The following OLAH variants were observed in gnomAD, a reference collection of about 807,000 sequenced individuals.
OLAH encodes oleoyl-ACP hydrolase.
Under a neutral mutation model 27.8 loss-of-function variants are expected in OLAH, and 33 were observed. That is an observed-to-expected ratio of 1.19 (90% CI 0.90 to 1.59). OLAH has a LOEUF of 1.59. Among genes scored for constraint, OLAH ranks in the 40% most tolerant of loss-of-function variants. The pLI, the probability that OLAH is intolerant of heterozygous loss-of-function variation, is 0.00. For missense variants in OLAH, 359 were observed against 310.8 expected, an observed-to-expected ratio of 1.16 and a Z score of -1.17; for synonymous variants, 120 against 102.9, an observed-to-expected ratio of 1.17 and a Z score of -1.01.
rs202218155 is a variant in OLAH, at chr10:15,073,489, TC to T, written c.*261del. 7.2e-3 allele frequency: 1,989 copies of T among 275,270 alleles called. 42 individuals are homozygous for T. Among genetic ancestry groups the T allele is most frequent in the African/African-American group, 0.043 (1,882 of 43,676 alleles). The allele number at this position is 275,270 out of a possible 1,614,324, so 17.1% of individuals were successfully genotyped here. Reference sequence around the variant, plus strand: ...TCCTGGCTAACACCGTGAAACCCCATCTCTACTAAAAATACACAAAATTAGC... The same window carrying T: ...TCCTGGCTAACACCGTGAAACCCCATTCTACTAAAAATACACAAAATTAGC... On this transcript the variant is annotated 3_prime_UTR_variant, in exon 8 of 8. Coordinates refer to ENST00000378228, the MANE Select transcript of OLAH (RefSeq NM_001039702.3).
intron 2 of OLAH, among the ~76,000 whole-genome samples, chr10:15,048,198 G>A (rs186877114): frequency 1.2e-3 from 180 of 152,162 alleles, no homozygotes; most frequent in African/African-American, 3.9e-3. Flanking sequence ...ATAAAATTCC[G>A]GTGACATTAT....
At position 15,062,182 on chromosome 10, in the gene OLAH, G is replaced by A. The variant is rs74622706; in HGVS notation, c.302+320G>A. ...CTACGTTGTATAATTCTGAGGTTAA[G>A]TCAGAGACCCTGGGGTTCTGGCTAT... is the stretch of plus-strand genomic sequence containing the variant. On this transcript the variant is annotated intron_variant, in intron 4 of 7. Coordinates refer to ENST00000378228, the MANE Select transcript of OLAH (RefSeq NM_001039702.3). 1.5e-3 allele frequency: 283 copies of A among 186,592 alleles called. 2 individuals carry two copies. Among genetic ancestry groups the A allele is most frequent in the African/African-American group, 6.2e-3 (266 of 42,630 alleles). 11.6% of individuals were successfully genotyped at this position (186,592 alleles called of 1,614,324 possible). A position where few individuals can be genotyped will look rare whatever the true frequency, so the allele number is the denominator to read the frequency against.
intron 6 of OLAH, among the ~76,000 whole-genome samples, chr10:15,070,674 G>T (rs1844566313): frequency 6.6e-6 from 1 of 151,780 alleles, no homozygotes; most frequent in Non-Finnish European, 1.5e-5. Context: ...TAGAGACGGG[G>T]TTTCCCGTGT....
chr10:15,049,642 A>G lies in OLAH; in HGVS notation c.40A>G (p.Asn14Asp), dbSNP rs773051565. 4 of 1,580,980 alleles carry G rather than the reference A, an allele frequency of 2.5e-6. No homozygotes were observed. Among genetic ancestry groups the G allele is most frequent in the Non-Finnish European group, 3.4e-6 (4 of 1,166,406 alleles). Residue 14 changes from asparagine to aspartate, a missense_variant, in exon 3 of 8, where the codon AAC (asparagine) becomes GAC (aspartate). Transcript: ENST00000378228. ...GDQPKRTRNE[N>D]IFNCLYKNPE... Reference sequence around the variant, plus strand: ...TTTGAATTTTCTCCCTAGGAATGAAAACATTTTCAACTGCTTATACAAAAA... The same window carrying G: ...TTTGAATTTTCTCCCTAGGAATGAAGACATTTTCAACTGCTTATACAAAAA...
intron 2 of OLAH, among the ~76,000 whole-genome samples, chr10:15,049,038 G>T (rs1328659715): frequency 6.6e-6 from 1 of 151,400 alleles, no homozygotes; most frequent in Admixed American, 6.6e-5. Context: ...GGAAGGTGGA[G>T]GTTGCTGTGA....
chr10:15,049,126 C>T (rs1460851002), intron 2 of OLAH, among the ~76,000 whole-genome samples: 4 of 65,734 alleles, frequency 6.1e-5, no homozygotes, highest in Non-Finnish European at 8.4e-5. Context: ...TTTTTGGAGA[C>T]TATGTCTCCA....
At chr10:15,061,461 T>C (rs1386996845) in intron 3 of OLAH, among the ~76,000 whole-genome samples, 5 of 152,106 alleles carry the variant, frequency 3.3e-5, no homozygotes, top group Non-Finnish European at 5.9e-5. Flanking sequence ...TGATCATCAA[T>C]GGAATTTTCA....
rs573819870 is a variant in OLAH at position 15,034,140 on chromosome 10, G to A, written c.-164+1790G>A. On this transcript the variant is annotated intron_variant, in intron 1 of 3. Coordinates refer to the OLAH transcript ENST00000413672. ...CTTTTTTTTTTTTTTTTGAGACGGA[G>A]TCTCGCTCTGTCACCCAGGCTGGAG... Among the ~76,000 whole-genome samples, 6 of 144,056 alleles carry A rather than the reference G, an allele frequency of 4.2e-5. No individual in the cohort carries two copies. In the East Asian group the frequency reaches 1.0e-3, roughly 24 times the overall value. The allele number at this position is 144,056 out of a possible 152,430, so 94.5% of individuals were successfully genotyped here.
chr10:15,039,163 C>A (rs1442563954), upstream of OLAH, among the ~76,000 whole-genome samples: 5 of 152,138 alleles, frequency 3.3e-5, no homozygotes, highest in Admixed American at 3.3e-4. Context: ...GAAGTTGAAG[C>A]TGCAGTGAGC....
intron 1 of OLAH, among the ~76,000 whole-genome samples, chr10:15,036,807 G>T (rs1267576583): frequency 6.6e-6 from 1 of 152,036 alleles, no homozygotes; most frequent in Non-Finnish European, 1.5e-5. Context: ...TAGGCCAGAC[G>T]CAGTGGCTCA....
intron 3 of OLAH, among the ~76,000 whole-genome samples, chr10:15,060,393 C>T (rs1334429998): frequency 6.6e-6 from 1 of 152,100 alleles, no homozygotes; most frequent in Non-Finnish European, 1.5e-5. Context: ...TGGTCTTGAA[C>T]TCCTGACTTC....
intron 1 of OLAH, among the ~76,000 whole-genome samples, chr10:15,033,903 A>G (rs61637685): frequency 6.6e-6 from 1 of 152,030 alleles, no homozygotes; most frequent in Non-Finnish European, 1.5e-5. Context: ...TTAAATTTCA[A>G]CATGAGTTTT....
At chr10:15,035,237 C>G (rs1164008993) in intron 1 of OLAH, among the ~76,000 whole-genome samples, 1 of 152,156 alleles carries the variant, frequency 6.6e-6, no homozygotes, top group Non-Finnish European at 1.5e-5. Flanking sequence ...CCGGTATAGT[C>G]GGAGTGTGAC....
At chr10:15,039,840 T>C (rs1478740363), upstream of OLAH, among the ~76,000 whole-genome samples, 1 of 152,144 alleles carries the variant, frequency 6.6e-6, no homozygotes, top group Non-Finnish European at 1.5e-5. Context: ...TCACTTACGA[T>C]GATTTGTTAA....
At chr10:15,057,594 C>G (rs1283547507) in intron 3 of OLAH, among the ~76,000 whole-genome samples, 1 of 151,976 alleles carries the variant, frequency 6.6e-6, no homozygotes, top group Admixed American at 6.6e-5. Context: ...CCATGTTAGT[C>G]AGGCTGGACT....
At chr10:15,072,550 C>A (rs1175061847) in intron 7 of OLAH, among the ~76,000 whole-genome samples, 1 of 152,178 alleles carries the variant, frequency 6.6e-6, no homozygotes, top group African/African-American at 2.4e-5. Flanking sequence ...TCCTGGCAGA[C>A]TTCCATCAGG....
At chr10:15,068,401 T>C (rs1177503981) in intron 6 of OLAH, among the ~76,000 whole-genome samples, 1 of 152,182 alleles carries the variant, frequency 6.6e-6, no homozygotes, top group Non-Finnish European at 1.5e-5. Flanking sequence ...ATTATTACTA[T>C]TATTATTTGA....
intron 3 of OLAH, among the ~76,000 whole-genome samples, chr10:15,053,432 C>G (rs1357225187): frequency 1.3e-5 from 2 of 152,138 alleles, no homozygotes; most frequent in African/African-American, 4.8e-5. Flanking sequence ...GGTCCTTCTT[C>G]CAGAAAAACT....
At chr10:15,055,952 C>A (rs766287801) in intron 3 of OLAH, among the ~76,000 whole-genome samples, 1 of 151,712 alleles carries the variant, frequency 6.6e-6, no homozygotes, top group African/African-American at 2.4e-5. Flanking sequence ...TGGGTTCAAG[C>A]GATTCTCCTG....
Sources: allele counts gnomAD v4.1 joint callset (sites outside exome capture counted in the v4.1 genomes callset), GRCh38; gene constraint gnomAD v4.1.1; transcripts MANE v1.5; gene names NCBI Gene and HGNC (gene_info 2026-07-23, HGNC 2026-07-21).